Variants in ELL2 observed in about 807,000 individuals in gnomAD.
ELL2 encodes RNA polymerase II elongation factor ELL2.
A neutral mutation model predicts 72.8 loss-of-function variants in ELL2; 21 were observed. That is an observed-to-expected ratio of 0.29 (90% CI 0.20 to 0.42). The LOEUF (loss-of-function observed/expected upper bound fraction) is 0.42. ELL2 is among the 10% of genes least tolerant of loss of function. The pLI is 1.00. For missense variants in ELL2, 568 were observed against 772.8 expected (o/e 0.73, Z 3.14); for synonymous variants, 266 against 283.2 (o/e 0.94, Z 0.61).
intron 8 of ELL2, 50 bp downstream of exon 8, chr5:95,898,190 T>C (rs1748948670): frequency 1.4e-6 from 2 of 1,426,010 alleles, no homozygotes; most frequent in Non-Finnish European, 1.9e-6. Flanking sequence ...AACTGTGTAA[T>C]TTCAAACTCA....
At chr5:95,936,874 G>A (rs1247333759) in intron 2 of ELL2, among the ~76,000 whole-genome samples, 2 of 152,070 alleles carry the variant, frequency 1.3e-5, no homozygotes, top group Non-Finnish European at 2.9e-5. Flanking sequence ...AGTTTTTGGT[G>A]GGAAACAAAA....
chr5:95,892,522 ACT>A (rs1474760226), intron 9 of ELL2, among the ~76,000 whole-genome samples: 1 of 152,086 alleles, frequency 6.6e-6, no homozygotes, highest in East Asian at 1.9e-4. Flanking sequence ...GGTTCTTTGC[ACT>A]CTGTGTTCCT....
At chr5:95,937,343 G>T (rs771454974) in intron 2 of ELL2, among the ~76,000 whole-genome samples, 1 of 152,120 alleles carries the variant, frequency 6.6e-6, no homozygotes, top group Non-Finnish European at 1.5e-5. Context: ...GGCCTAGACC[G>T]AGTACTCTAG....
At chr5:95,930,666 A>G (rs1750563649) in intron 2 of ELL2, among the ~76,000 whole-genome samples, 1 of 152,220 alleles carries the variant, frequency 6.6e-6, no homozygotes, top group Admixed American at 6.5e-5. Flanking sequence ...ATGTATTACA[A>G]ACAGACTCAG....
chr5:95,927,755 A>ATAGACATACACACACACATGTGTGTG lies in ELL2; in HGVS notation c.196-8211_196-8210insCACACACATGTGTGTGTGTATGTCTA, dbSNP rs1750431142. On this transcript the variant is annotated intron_variant, in intron 2 of 11. Transcript: ENST00000237853. The stretch of plus-strand genomic sequence containing the variant: ...GACATACACACACACATATGTGTGT[A>ATAGACATACACACACACATGTGTGTG]TATAGACATACACACACACATATGT... Among the ~76,000 whole-genome samples, 25 of 93,462 alleles carry ATAGACATACACACACACATGTGTGTG rather than the reference A, an allele frequency of 2.7e-4. 5 individuals are homozygous for ATAGACATACACACACACATGTGTGTG. The highest frequency in any genetic ancestry group is 1.6e-3 in the Admixed American group (17 of 10,802). The allele number at this position is 93,462 out of a possible 152,430, so 61.3% of individuals were successfully genotyped here.
intron 1 of ELL2, among the ~76,000 whole-genome samples, chr5:95,945,865 T>G (rs1751137915): frequency 6.6e-6 from 1 of 152,176 alleles, no homozygotes; most frequent in African/African-American, 2.4e-5. Context: ...TGCCTAATTT[T>G]TCCTTATCCT....
At position 95,888,996 on chromosome 5, in the gene ELL2, G is replaced by GAA. The variant is rs199699795; in HGVS notation, c.1807-11_1807-10dup. Reference sequence around the variant, plus strand: ...TGGTAATTGGGACTAGACTGCAGATGAAAAAAAAAAAAAAAAAAGAGGAAT... The same window carrying GAA: ...TGGTAATTGGGACTAGACTGCAGATGAAAAAAAAAAAAAAAAAAAAGAGGAAT... On this transcript the variant is annotated splice_polypyrimidine_tract_variant and intron_variant, in intron 11 of 11. Coordinates refer to ENST00000237853, the MANE Select transcript of ELL2 (RefSeq NM_012081.6). The GAA allele has an allele frequency of 9.9e-3, 12,311 of 1,242,176 alleles. 3 individuals carry two copies. Among genetic ancestry groups the GAA allele is most frequent in the East Asian group, 0.031 (1,187 of 37,920 alleles). The allele number at this position is 1,242,176 out of a possible 1,614,324, so 76.9% of individuals were successfully genotyped here.
intron 3 of ELL2, 96 bp from the exon 4 acceptor site, chr5:95,914,030 T>G (rs1451770371): frequency 1.7e-6 from 2 of 1,156,448 alleles, no homozygotes; most frequent in East Asian, 2.8e-5. Context: ...GCAGCCCAAC[T>G]AAGTTTGCAA....
At chr5:95,950,138 CCAGA>C (rs761526438) in intron 1 of ELL2, among the ~76,000 whole-genome samples, 1 of 152,116 alleles carries the variant, frequency 6.6e-6, no homozygotes. Context: ...AAGGAAAATA[CCAGA>C]CAATTTGAGA....
intron 5 of ELL2, 32 bp from the exon 6 acceptor site, chr5:95,901,112 T>C: frequency 6.4e-7 from 1 of 1,570,396 alleles, no homozygotes; most frequent in East Asian, 2.3e-5. Context: ...GAGCATTAGG[T>C]ATTTTTACTA....
At chr5:95,959,891 A>C (rs189815470) in intron 1 of ELL2, among the ~76,000 whole-genome samples, 4 of 152,196 alleles carry the variant, frequency 2.6e-5, no homozygotes, top group Admixed American at 2.6e-4. Context: ...CTGAGCCTCC[A>C]CTGCTGTTTA....
intron 2 of ELL2, among the ~76,000 whole-genome samples, chr5:95,928,851 C>A (rs969170611): frequency 6.6e-6 from 1 of 152,164 alleles, no homozygotes; most frequent in African/African-American, 2.4e-5. Flanking sequence ...TGACTTCCTA[C>A]TACTTATGAG....
chr5:95,910,315 T>C (rs558837249), intron 4 of ELL2, among the ~76,000 whole-genome samples: 4 of 151,956 alleles, frequency 2.6e-5, no homozygotes, highest in Non-Finnish European at 2.9e-5. Flanking sequence ...ATCCTAGAAA[T>C]TAGATTGGTT....
At chr5:95,944,896 T>C (rs774794271) in intron 1 of ELL2, among the ~76,000 whole-genome samples, 3 of 152,206 alleles carry the variant, frequency 2.0e-5, no homozygotes, top group Non-Finnish European at 4.4e-5. Flanking sequence ...TTCTTCTTGG[T>C]CAGATAAATG....
chr5:95,887,265 T>TATC lies in ELL2; in HGVS notation c.*1603_*1605dup, dbSNP rs1389276921. On this transcript the variant is annotated 3_prime_UTR_variant, in exon 12 of 12. Coordinates refer to ENST00000237853, the MANE Select transcript of ELL2 (RefSeq NM_012081.6). Reference sequence around the variant, plus strand: ...ATACTTCTGTATACATTTAGTATATTATCTAATCTTTCCAGTTAATGTTTT... The same window carrying TATC: ...ATACTTCTGTATACATTTAGTATATTATCATCTAATCTTTCCAGTTAATGTTTT... 2 of 152,408 alleles carry TATC rather than the reference T, an allele frequency of 1.3e-5. No homozygotes were observed. Among genetic ancestry groups the TATC allele is most frequent in the African/African-American group, 4.8e-5 (2 of 41,460 alleles). 9.4% of individuals were successfully genotyped at this position (152,408 alleles called of 1,614,324 possible).
At chr5:95,907,647 T>C (rs918163625) in intron 4 of ELL2, among the ~76,000 whole-genome samples, 1 of 152,160 alleles carries the variant, frequency 6.6e-6, no homozygotes, top group South Asian at 2.1e-4. Flanking sequence ...CGTTCCTTGC[T>C]GAAGAGACAA....
In ELL2 at chr5:95,934,331, C is replaced by T. The variant is rs1004332429; in HGVS notation, c.195+8671G>A. On this transcript the variant is annotated intron_variant, in intron 2 of 11. Transcript: ENST00000237853. ...GGTACCAACCCTCTACTGATGTGGGCCCAATTTAGTTCTTTAATCACTTGG... is the reference window on the plus strand; with the variant it reads ...GGTACCAACCCTCTACTGATGTGGGTCCAATTTAGTTCTTTAATCACTTGG... Among the ~76,000 whole-genome samples, 5 of 152,060 alleles carry T rather than the reference C, an allele frequency of 3.3e-5. No homozygotes were observed. The East Asian group carries it at 7.7e-4, about 23-fold the overall frequency.
intron 1 of ELL2, 135 bp downstream of exon 1, chr5:95,961,439 GC>G: frequency 8.7e-7 from 1 of 1,146,536 alleles, no homozygotes; most frequent in Non-Finnish European, 1.1e-6. Context: ...GCCCGGCCCT[GC>G]CCTGCCTGGC....
At chr5:95,919,397 C>T in intron 3 of ELL2, 27 bp downstream of exon 3, 2 of 1,561,188 alleles carry the variant, frequency 1.3e-6, no homozygotes, top group Non-Finnish European at 1.7e-6. Flanking sequence ...AATTTTTCCC[C>T]TTCAGTGTAC....
Sources: gnomAD v4.1 joint callset for allele counts (sites outside exome capture counted in the v4.1 genomes callset) on GRCh38, gnomAD v4.1.1 for gene constraint, MANE v1.5 for transcripts, NCBI Gene and HGNC (gene_info 2026-07-23, HGNC 2026-07-21) for gene names.